Variants in PDE10A observed in about 807,000 individuals in gnomAD.
The protein encoded by PDE10A is cAMP and cAMP-inhibited cGMP 3',5'-cyclic phosphodiesterase 10A.
PDE10A carries 39 observed loss-of-function variants against 97.7 expected under a neutral mutation model. The ratio of observed to expected loss-of-function variants is 0.40; its 90% CI spans 0.31 to 0.52. PDE10A has a LOEUF of 0.52. Among genes scored for constraint, PDE10A ranks in the 20% least tolerant of loss-of-function variants. The pLI is 0.56. For missense variants in PDE10A, 731 were observed against 1,047.8 expected, an observed-to-expected ratio of 0.70 and a Z score of 4.17; for synonymous variants, 371 against 376.8, an observed-to-expected ratio of 0.98 and a Z score of 0.18.
Position 165,419,014 on chromosome 6 carries a change from T to G in PDE10A, c.1654-237A>C, listed in dbSNP as rs140580509. Among the ~76,000 whole-genome samples the G allele has an allele frequency of 1.4e-4, 21 of 152,352 alleles. No homozygotes were observed. The East Asian group carries it at 3.5e-3, about 25-fold the overall frequency. On this transcript the variant is annotated intron_variant, in intron 10 of 21. Transcript: ENST00000539869. ...AGAATACACAGCGGATATGCATCCA[T>G]ACTGCTGTGCTGGAGGGAAGCATAT...
At position 165,416,185 on chromosome 6, in the gene PDE10A, T is replaced by C. The variant is rs2128229039; in HGVS notation, c.1889+4A>G. On this transcript the variant is annotated splice_donor_region_variant and intron_variant, in intron 12 of 21. Transcript: ENST00000539869. ...ATGGAGTGTCGACATCAGCTATTTC[T>C]TACCTGTTAAAGCGTGGGTCTGCAT... 2 of 1,581,352 alleles carry C rather than the reference T, an allele frequency of 1.3e-6. No individual in the cohort carries two copies. The highest frequency in any genetic ancestry group is 1.7e-5 in the Admixed American group (1 of 59,956).
chr6:165,434,459 C>A (rs1430313065), intron 6 of PDE10A, among the ~76,000 whole-genome samples: 1 of 152,150 alleles, frequency 6.6e-6, no homozygotes, highest in Non-Finnish European at 1.5e-5. Flanking sequence ...CATAAAATTT[C>A]ATTAAAATGT....
intron 1 of PDE10A, among the ~76,000 whole-genome samples, chr6:165,561,043 C>A (rs1784497038): frequency 6.6e-6 from 1 of 151,950 alleles, no homozygotes; most frequent in Non-Finnish European, 1.5e-5. Context: ...CACGGTGAAA[C>A]CCTGTCTCTA....
In PDE10A at chr6:165,388,846, CA is replaced by C. The variant is rs1282807770; in HGVS notation, c.2455-394del. On this transcript the variant is annotated intron_variant, in intron 16 of 21. Coordinates refer to ENST00000539869, the MANE Select transcript of PDE10A (RefSeq NM_001385079.1). This position sits in a 1 kb window ranked among gnomAD's most constrained non-coding sequence, Gnocchi z 4.0. The stretch of plus-strand genomic sequence containing the variant: ...AAATCTATTCAATGTTAAATTCTAA[CA>C]ATGCTATTGCTATTATAAACAATAA... Among the ~76,000 whole-genome samples, 1 of 152,136 alleles carries C rather than the reference CA, an allele frequency of 6.6e-6. No homozygotes were observed. Among genetic ancestry groups the C allele is most frequent in the Non-Finnish European group, 1.5e-5 (1 of 68,022 alleles).
At chr6:165,707,231 G>C (rs1168047616) in intron 1 of PDE10A, among the ~76,000 whole-genome samples, 1 of 152,156 alleles carries the variant, frequency 6.6e-6, no homozygotes, top group Non-Finnish European at 1.5e-5. Flanking sequence ...AGCTGCTGCG[G>C]CTCCCCCAGT....
chr6:165,663,445 G>A (rs537430816), upstream of PDE10A, among the ~76,000 whole-genome samples: 1 of 152,324 alleles, frequency 6.6e-6, no homozygotes, highest in African/African-American at 2.4e-5. Context: ...CGGTGTTTCG[G>A]ATTCTAAATC....
intron 1 of PDE10A, among the ~76,000 whole-genome samples, chr6:165,907,998 C>T (rs1562793165): frequency 6.6e-6 from 1 of 152,210 alleles, no homozygotes; most frequent in Non-Finnish European, 1.5e-5. Flanking sequence ...AGAGGGTGAA[C>T]TTTAAACAAG....
At chr6:165,572,693 G>A (rs1785105100) in intron 1 of PDE10A, among the ~76,000 whole-genome samples, 4 of 152,212 alleles carry the variant, frequency 2.6e-5, no homozygotes, top group Admixed American at 2.6e-4. Context: ...TGAGCCTTAG[G>A]AGTTTGAGAC....
chr6:165,673,535 C>T (rs1583760291), intron 1 of PDE10A, among the ~76,000 whole-genome samples: 1 of 152,210 alleles, frequency 6.6e-6, no homozygotes, highest in Non-Finnish European at 1.5e-5. Context: ...TTCTTGCAGC[C>T]CTATAATTCA....
chr6:165,559,320 C>A (rs1246569383), intron 1 of PDE10A, among the ~76,000 whole-genome samples: 2 of 152,086 alleles, frequency 1.3e-5, no homozygotes, highest in East Asian at 3.9e-4. Flanking sequence ...GAGGGATATA[C>A]GTGGAAGTCA....
In PDE10A at chr6:165,459,578, G is replaced by T. The variant is rs5881649; in HGVS notation, c.1024-9216C>A. Among the ~76,000 whole-genome samples the T allele has an allele frequency of 1.3e-3, 189 of 149,002 alleles. 1 individual carries two copies. The South Asian group carries it at 0.024, about 19-fold the overall frequency. On this transcript the variant is annotated intron_variant, in intron 3 of 21. Coordinates refer to ENST00000539869, the MANE Select transcript of PDE10A (RefSeq NM_001385079.1). ...ACAGACAGATAGATAGATAATGATAGATATATATATATATATAATATAGAT... is the reference window on the plus strand; with the variant it reads ...ACAGACAGATAGATAGATAATGATATATATATATATATATATAATATAGAT...
At chr6:165,736,677 A>G (rs553075611) in intron 1 of PDE10A, among the ~76,000 whole-genome samples, 8 of 152,354 alleles carry the variant, frequency 5.3e-5, no homozygotes, top group African/African-American at 1.7e-4. Flanking sequence ...GGAAGTTACC[A>G]TGATAAATGT....
At chr6:165,894,469 G>A in intron 1 of PDE10A, 1 of 456,032 alleles carries the variant, frequency 2.2e-6, no homozygotes, top group Non-Finnish European at 4.4e-6. Context: ...AACAAGTGGT[G>A]GAGAGGGAAA....
intron 1 of PDE10A, among the ~76,000 whole-genome samples, chr6:165,873,119 G>A (rs1439859436): frequency 6.6e-6 from 1 of 152,288 alleles, no homozygotes; most frequent in African/African-American, 2.4e-5. Flanking sequence ...GAATGTTCGG[G>A]GGAGCAGCCA....
intron 1 of PDE10A, among the ~76,000 whole-genome samples, chr6:165,641,258 GACAA>G (rs928890219): frequency 1.1e-4 from 16 of 151,976 alleles, no homozygotes; most frequent in Admixed American, 6.6e-5. Flanking sequence ...TCTTTAGAAA[GACAA>G]ATAAAAATAC....
At chr6:165,776,237 TG>T (rs1197666825) in intron 1 of PDE10A, among the ~76,000 whole-genome samples, 1 of 152,350 alleles carries the variant, frequency 6.6e-6, no homozygotes, top group Non-Finnish European at 1.5e-5. Flanking sequence ...ATTATGCATA[TG>T]TATAACACAC....
chr6:165,363,698 C>T (rs991922179), intron 18 of PDE10A, among the ~76,000 whole-genome samples: 4 of 151,832 alleles, frequency 2.6e-5, no homozygotes, highest in Non-Finnish European at 4.4e-5. Flanking sequence ...GATATAAGAT[C>T]GGTAGTACAA....
At chr6:165,878,115 T>C (rs1195793064) in intron 1 of PDE10A, among the ~76,000 whole-genome samples, 1 of 152,228 alleles carries the variant, frequency 6.6e-6, no homozygotes, top group East Asian at 1.9e-4. Flanking sequence ...TGAATTCTAG[T>C]TGGAGAGACT....
chr6:165,805,598 T>C (rs1779114730), intron 1 of PDE10A, among the ~76,000 whole-genome samples: 1 of 151,992 alleles, frequency 6.6e-6, no homozygotes, highest in African/African-American at 2.4e-5. Context: ...TTCAACTCTA[T>C]GTACAGGTAT....
Sources: gnomAD v4.1 joint callset for allele counts (sites outside exome capture counted in the v4.1 genomes callset) on GRCh38, gnomAD v4.1.1 for gene constraint, Gnocchi (gnomAD v3.1) non-coding constraint, MANE v1.5 for transcripts, NCBI Gene and HGNC (gene_info 2026-07-23, HGNC 2026-07-21) for gene names.